Variants in GALNT2 observed in about 807,000 individuals in gnomAD.
The protein encoded by GALNT2 is polypeptide N-acetylgalactosaminyltransferase 2.
Under a neutral mutation model 81.4 loss-of-function variants are expected in GALNT2, and 31 were observed. The observed-to-expected ratio is 0.38, with a 90% CI of 0.29 to 0.51. The LOEUF (loss-of-function observed/expected upper bound fraction) is 0.51, where lower values mean the gene tolerates loss of function less well. Among genes scored for constraint, GALNT2 ranks in the 20% least tolerant of loss-of-function variants. GALNT2 has a pLI of 0.87. For missense variants in GALNT2, 629 were observed against 765.7 expected (o/e 0.82, Z 2.11); for synonymous variants, 303 against 287.4 (o/e 1.05, Z -0.55).
At chr1:230,163,503 G>A (rs1662501919) in intron 1 of GALNT2, among the ~76,000 whole-genome samples, 1 of 152,226 alleles carries the variant, frequency 6.6e-6, no homozygotes, top group African/African-American at 2.4e-5. Flanking sequence ...AGTTTTTGTT[G>A]AGAGCCTTCT....
At chr1:230,092,492 C>T (rs562927963) in intron 1 of GALNT2, among the ~76,000 whole-genome samples, 11 of 151,860 alleles carry the variant, frequency 7.2e-5, no homozygotes, top group South Asian at 2.1e-4. Context: ...TACAGGCACG[C>T]GCCACCAAGC....
intron 1 of GALNT2, among the ~76,000 whole-genome samples, chr1:230,113,060 G>C (rs1446388133): frequency 6.6e-6 from 1 of 152,166 alleles, no homozygotes; most frequent in Non-Finnish European, 1.5e-5. Context: ...TTGCCAGCAT[G>C]CTTGGGGCTT....
intron 8 of GALNT2, among the ~76,000 whole-genome samples, chr1:230,248,393 C>T (rs1251280835): frequency 6.6e-6 from 1 of 152,186 alleles, no homozygotes; most frequent in Non-Finnish European, 1.5e-5. Context: ...CATGTGTTTG[C>T]CAAGAAGTGG....
rs923519756 is a variant in GALNT2, at chr1:230,070,400, GGAAGGGATTTCTCTGGAAAT to G, written c.126+2999_126+3018del. Among the ~76,000 whole-genome samples, 4 of 152,276 alleles carry G rather than the reference GGAAGGGATTTCTCTGGAAAT, an allele frequency of 2.6e-5. No homozygotes were observed. Among genetic ancestry groups the G allele is most frequent in the Middle Eastern group, 3.4e-3 (1 of 294 alleles). On this transcript the variant is annotated intron_variant, in intron 1 of 15. Coordinates refer to ENST00000366672, the MANE Select transcript of GALNT2 (RefSeq NM_004481.5). The surrounding 1 kb of genome is among the most constrained non-coding windows in gnomAD (Gnocchi z 4.7). ...GCAGTGGATGGAGCCGCAGAAGAGA[GGAAGGGATTTCTCTGGAAAT>G]GAAGCTGCCTGTGGGTGAAGTGTGG...
intron 1 of GALNT2, among the ~76,000 whole-genome samples, chr1:230,145,909 T>C (rs1661902059): frequency 6.6e-6 from 1 of 152,274 alleles, no homozygotes. Flanking sequence ...CTTTCAAAGA[T>C]GCTCGCCGCT....
intron 15 of GALNT2, among the ~76,000 whole-genome samples, chr1:230,276,921 C>T (rs1451760823): frequency 1.3e-5 from 2 of 152,092 alleles, no homozygotes; most frequent in Non-Finnish European, 2.9e-5. Flanking sequence ...AAACACATTC[C>T]CCTGGGATGT....
At chr1:230,114,618 T>C (rs1362489565) in intron 1 of GALNT2, among the ~76,000 whole-genome samples, 1 of 152,196 alleles carries the variant, frequency 6.6e-6, no homozygotes, top group Non-Finnish European at 1.5e-5. Flanking sequence ...TCGTAAGTCC[T>C]GGATGCCACC....
intron 2 of GALNT2, among the ~76,000 whole-genome samples, chr1:230,189,667 A>G (rs1286665090): frequency 2.0e-5 from 3 of 152,226 alleles, no homozygotes; most frequent in Non-Finnish European, 2.9e-5. Flanking sequence ...GCGTAACACT[A>G]AAGTTGCCAT....
rs974548261 is a variant in GALNT2 at position 230,280,449 on chromosome 1, A to G, written c.*991A>G. 5.2e-6 allele frequency: 1 copy of G among 190,526 alleles called. No homozygotes were observed. Among genetic ancestry groups the G allele is most frequent in the Non-Finnish European group, 1.1e-5 (1 of 89,636 alleles). 11.8% of individuals were successfully genotyped at this position (190,526 alleles called of 1,614,324 possible). A position where few individuals can be genotyped will look rare whatever the true frequency, so the allele number is the denominator to read the frequency against. On this transcript the variant is annotated 3_prime_UTR_variant, in exon 16 of 16. Transcript: ENST00000366672. ...ATTAAATTTCTTTTCTCTAAGGAAT[A>G]TAAGACATACCCCATAGCTCTGTGT...
intron 3 of GALNT2, among the ~76,000 whole-genome samples, chr1:230,209,982 T>A (rs1441721044): frequency 1.3e-5 from 2 of 152,228 alleles, no homozygotes; most frequent in Non-Finnish European, 2.9e-5. Flanking sequence ...TGCCTTCATT[T>A]TCTCTTAAGC....
intron 3 of GALNT2, among the ~76,000 whole-genome samples, chr1:230,225,196 T>G (rs1185188097): frequency 6.6e-6 from 1 of 152,374 alleles, no homozygotes; most frequent in East Asian, 1.9e-4. Context: ...TATGTTTTAA[T>G]TAAATGAACA....
chr1:230,108,051 T>C (rs1486591650), intron 1 of GALNT2, among the ~76,000 whole-genome samples: 1 of 152,188 alleles, frequency 6.6e-6, no homozygotes, highest in Admixed American at 6.5e-5. Flanking sequence ...GACTCATTCA[T>C]AGGGCTCACT....
At chr1:230,076,948 C>G (rs1659581505) in intron 1 of GALNT2, among the ~76,000 whole-genome samples, 1 of 152,196 alleles carries the variant, frequency 6.6e-6, no homozygotes, top group African/African-American at 2.4e-5. Flanking sequence ...TTCTGACAGG[C>G]TGCTGCCCTA....
At position 230,265,241 on chromosome 1, in the gene GALNT2, G is replaced by C. The variant is rs773899327; in HGVS notation, c.1314G>C (p.Arg438Ser). The C allele has an allele frequency of 6.2e-7, 1 of 1,614,178 alleles. No homozygotes were observed. Among genetic ancestry groups the C allele is most frequent in the Admixed American group, 1.7e-5 (1 of 60,016 alleles). ...AGGTGATTCTCACGTTGTTTTTCAG[G>C]GTTCCAGACCATCAGGATATAGCTT... ...WYLENVYPEL[R>S]VPDHQDIAFG... Residue 438 changes from arginine to serine, a missense_variant and splice_region_variant, in exon 14 of 16, where the codon AGG becomes AGC. By Grantham distance (110) the Arg-to-Ser change is moderately radical. Transcript: ENST00000366672.
At chr1:230,129,101 T>G (rs542718588) in intron 1 of GALNT2, among the ~76,000 whole-genome samples, 1 of 152,376 alleles carries the variant, frequency 6.6e-6, no homozygotes, top group East Asian at 1.9e-4. Context: ...TCTCATAATT[T>G]TATGATGAGT....
intron 1 of GALNT2, among the ~76,000 whole-genome samples, chr1:230,102,822 T>C (rs1998066): frequency 0.4 from 60,114 of 152,054 alleles, 11,920 homozygotes; most frequent in South Asian, 0.53. Flanking sequence ...AGGTTGAAGA[T>C]GTCCAGTAGT....
intron 3 of GALNT2, among the ~76,000 whole-genome samples, chr1:230,221,693 A>C (rs1481165003): frequency 2.0e-5 from 3 of 152,242 alleles, no homozygotes; most frequent in Non-Finnish European, 4.4e-5. Context: ...TTTCAAAGTC[A>C]TCTAAACTTA....
In GALNT2 at chr1:230,199,564, G is replaced by T. The variant is rs975382265; in HGVS notation, c.221-3573G>T. On this transcript the variant is annotated intron_variant, in intron 2 of 15. Transcript: ENST00000366672. ...GTATTGTGAGACTTTTGTATCAGTT[G>T]GGTGTGTATGTTTGCATTGTGACAC... Among the ~76,000 whole-genome samples the T allele has an allele frequency of 2.0e-5, 3 of 152,158 alleles. No homozygotes were observed. The South Asian group carries it at 6.2e-4, about 31-fold the overall frequency.
Position 230,083,694 on chromosome 1 carries a change from G to A in GALNT2, c.126+16288G>A, listed in dbSNP as rs188810984. Among the ~76,000 whole-genome samples the A allele has an allele frequency of 3.6e-4, 55 of 152,310 alleles. 1 individual carries two copies. The East Asian group carries it at 8.7e-3, about 24-fold the overall frequency. ...CTGTCCTTGCTGTTAAACGGTGTCC[G>A]GAGAGTAAGGAGATGGTCAGCACTG... On this transcript the variant is annotated intron_variant, in intron 1 of 15. Coordinates refer to ENST00000366672, the MANE Select transcript of GALNT2 (RefSeq NM_004481.5).
Sources: gnomAD v4.1 joint callset for allele counts (sites outside exome capture counted in the v4.1 genomes callset) on GRCh38, gnomAD v4.1.1 for gene constraint, Gnocchi (gnomAD v3.1) non-coding constraint, MANE v1.5 for transcripts, NCBI Gene and HGNC (gene_info 2026-07-23, HGNC 2026-07-21) for gene names.